Variants in COL25A1 observed in about 807,000 individuals in gnomAD.
The protein encoded by COL25A1 is collagen alpha-1(XXV) chain.
A neutral mutation model predicts 128.4 loss-of-function variants in COL25A1; 103 were observed. The ratio of observed to expected loss-of-function variants is 0.80; its 90% CI spans 0.68 to 0.94. The LOEUF (loss-of-function observed/expected upper bound fraction) is 0.94. Ranked by LOEUF, COL25A1 falls within the 40% of genes least tolerant of loss-of-function variation. COL25A1 has a pLI of 0.00. For missense variants in COL25A1, 745 were observed against 840.0 expected (o/e 0.89, Z 1.40); for synonymous variants, 279 against 277.2 (o/e 1.01, Z -0.06).
intron 31 of COL25A1, among the ~76,000 whole-genome samples, chr4:108,840,506 A>T (rs1734324481): frequency 6.6e-6 from 1 of 152,126 alleles, no homozygotes; most frequent in Non-Finnish European, 1.5e-5. Flanking sequence ...CACCTGCCTG[A>T]CTGGGAAAAG....
intron 14 of COL25A1, among the ~76,000 whole-genome samples, chr4:108,900,807 T>C (rs761009869): frequency 5.3e-5 from 8 of 152,140 alleles, no homozygotes; most frequent in Non-Finnish European, 1.2e-4. Flanking sequence ...TATGTTTTTA[T>C]ATACCCACTA....
Position 108,810,783 on chromosome 4 carries a change from A to T in COL25A1, c.*3144T>A, listed in dbSNP as rs1404849736. On this transcript the variant is annotated 3_prime_UTR_variant, in exon 38 of 38. Transcript: ENST00000399132. ...TGTTTTACATTAAGAAAGCCTGGTCATTGGACCATAATTATAGCAAATTCA... is the reference window on the plus strand; with the variant it reads ...TGTTTTACATTAAGAAAGCCTGGTCTTTGGACCATAATTATAGCAAATTCA... The T allele has an allele frequency of 1.3e-5, 2 of 152,072 alleles. No homozygotes were observed. Among genetic ancestry groups the T allele is most frequent in the South Asian group, 4.1e-4 (2 of 4,836 alleles). The allele number at this position is 152,072 out of a possible 1,614,324, so 9.4% of individuals were successfully genotyped here.
intron 3 of COL25A1, among the ~76,000 whole-genome samples, chr4:109,209,448 G>C (rs1018412270): frequency 2.0e-5 from 3 of 151,900 alleles, no homozygotes; most frequent in African/African-American, 7.3e-5. Flanking sequence ...TAAAAATACA[G>C]GCAACATTAA....
chr4:109,193,271 G>T (rs181611655), intron 3 of COL25A1, among the ~76,000 whole-genome samples: 1 of 151,852 alleles, frequency 6.6e-6, no homozygotes, highest in South Asian at 2.1e-4. Flanking sequence ...AGAAGAAGCT[G>T]GTTTAAGAAA....
intron 8 of COL25A1, among the ~76,000 whole-genome samples, chr4:108,941,748 C>T (rs780056618): frequency 3.3e-5 from 5 of 152,140 alleles, no homozygotes; most frequent in Non-Finnish European, 5.9e-5. Flanking sequence ...CAAGTGCACC[C>T]CTGCATTCTT....
At position 108,884,980 on chromosome 4, in the gene COL25A1, G is replaced by A. The variant is rs116962831; in HGVS notation, c.976-758C>T. ...AAGAATGATAATAAGAGGTTCCATT[G>A]CTTAGAAAATCTCCTGAATTCTACT... On this transcript the variant is annotated intron_variant, in intron 18 of 37. Transcript: ENST00000399132. Among the ~76,000 whole-genome samples, 696 of 152,238 alleles carry A rather than the reference G, an allele frequency of 4.6e-3. 14 individuals carry two copies. In the East Asian group the frequency reaches 0.062, roughly 14 times the overall value.
chr4:109,298,208 T>A (rs1340446776), intron 3 of COL25A1, among the ~76,000 whole-genome samples: 3 of 152,152 alleles, frequency 2.0e-5, no homozygotes, highest in Non-Finnish European at 4.4e-5. Context: ...AAGCCATTTT[T>A]AAAAAATTGT....
intron 3 of COL25A1, among the ~76,000 whole-genome samples, chr4:109,290,070 T>C (rs764860544): frequency 5.3e-5 from 8 of 152,068 alleles, no homozygotes; most frequent in Non-Finnish European, 1.0e-4. Flanking sequence ...TTACTGATTA[T>C]ACAATTCCTC....
intron 8 of COL25A1, among the ~76,000 whole-genome samples, chr4:108,947,164 C>G (rs1225602784): frequency 6.6e-6 from 1 of 152,158 alleles, no homozygotes; most frequent in Non-Finnish European, 1.5e-5. Context: ...TGAGAAATGG[C>G]TGGGCGCGGT....
intron 6 of COL25A1, among the ~76,000 whole-genome samples, chr4:108,983,610 T>A (rs989005792): frequency 6.6e-6 from 1 of 152,194 alleles, no homozygotes; most frequent in African/African-American, 2.4e-5. Context: ...CAGTGAGTGT[T>A]ACAGCTCTTA....
chr4:108,971,535 C>A (rs913793462), intron 8 of COL25A1, among the ~76,000 whole-genome samples: 1 of 152,124 alleles, frequency 6.6e-6, no homozygotes, highest in Non-Finnish European at 1.5e-5. Flanking sequence ...CAGAAGAGGG[C>A]AAATGGAAAG....
chr4:108,964,532 G>T (rs1463625143), intron 8 of COL25A1, among the ~76,000 whole-genome samples: 1 of 151,944 alleles, frequency 6.6e-6, no homozygotes, highest in African/African-American at 2.4e-5. Flanking sequence ...ACATAATATA[G>T]GTAGAGCCAT....
At chr4:109,279,228 T>C (rs1578623885) in intron 3 of COL25A1, among the ~76,000 whole-genome samples, 1 of 152,202 alleles carries the variant, frequency 6.6e-6, no homozygotes, top group East Asian at 1.9e-4. Context: ...TTATATGGCT[T>C]ACTGTAAGAT....
At chr4:109,251,952 TC>T (rs1560931986) in intron 3 of COL25A1, among the ~76,000 whole-genome samples, 1 of 152,238 alleles carries the variant, frequency 6.6e-6, no homozygotes, top group African/African-American at 2.4e-5. Context: ...AAAAGGCCTC[TC>T]CACCACCTTT....
At chr4:108,896,084 T>C (rs973810549) in intron 16 of COL25A1, among the ~76,000 whole-genome samples, 2 of 151,796 alleles carry the variant, frequency 1.3e-5, no homozygotes, top group African/African-American at 2.4e-5. Context: ...TAGCTGGGAC[T>C]ACAGGCACCA....
chr4:109,042,859 G>A (rs1270470037), intron 5 of COL25A1, among the ~76,000 whole-genome samples: 1 of 152,042 alleles, frequency 6.6e-6, no homozygotes, highest in Non-Finnish European at 1.5e-5. Flanking sequence ...GTAACTGGCA[G>A]TTTAAAAGAG....
chr4:108,861,579 G>T (rs1465520472), intron 22 of COL25A1, among the ~76,000 whole-genome samples: 1 of 152,150 alleles, frequency 6.6e-6, no homozygotes, highest in Non-Finnish European at 1.5e-5. Context: ...CAGGGGCAGG[G>T]CAAACCCAGC....
intron 3 of COL25A1, among the ~76,000 whole-genome samples, chr4:109,264,236 G>A (rs547664693): frequency 3.9e-5 from 6 of 152,250 alleles, no homozygotes; most frequent in East Asian, 1.9e-4. Context: ...AAAATAGTGC[G>A]ACCAGGAGAG....
intron 3 of COL25A1, among the ~76,000 whole-genome samples, chr4:109,116,008 GAGAC>G (rs1173440738): frequency 3.3e-5 from 5 of 152,108 alleles, no homozygotes; most frequent in East Asian, 1.9e-4. Context: ...AAAAACTGGG[GAGAC>G]AGACAGGCAG....
Sources: allele counts gnomAD v4.1 joint callset (sites outside exome capture counted in the v4.1 genomes callset), GRCh38; gene constraint gnomAD v4.1.1; transcripts MANE v1.5; gene names NCBI Gene and HGNC (gene_info 2026-07-23, HGNC 2026-07-21).